The following LRP1B variants were observed in gnomAD, a reference collection of about 807,000 sequenced individuals.
The protein encoded by LRP1B is LDL receptor related protein 1B.
LRP1B carries 217 observed loss-of-function variants against 556.6 expected under a neutral mutation model. That is an observed-to-expected ratio of 0.39 (90% confidence interval 0.35 to 0.44). The LOEUF (loss-of-function observed/expected upper bound fraction) is 0.44, where lower values mean the gene tolerates loss of function less well. Among genes scored for constraint, LRP1B ranks in the 20% least tolerant of loss-of-function variants. The pLI is 1.00. For missense variants in LRP1B, 5,053 were observed against 5,620.8 expected, an observed-to-expected ratio of 0.90 and a Z score of 3.23; for synonymous variants, 2,047 against 1,865.8, an observed-to-expected ratio of 1.10 and a Z score of -2.50.
intron 6 of LRP1B, among the ~76,000 whole-genome samples, chr2:141,211,323 A>G (rs1330286637): frequency 2.0e-5 from 3 of 151,618 alleles, no homozygotes; most frequent in Admixed American, 6.6e-5. Context: ...AAAACAAAAC[A>G]AAAACTAAGC....
rs566647433 is a variant in LRP1B at position 140,898,693 on chromosome 2, G to A, written c.3766+4227C>T. The A allele has an allele frequency of 2.0e-3, 944 of 477,872 alleles. 19 individuals are homozygous for A. The highest frequency in any genetic ancestry group is 0.014 in the South Asian group (901 of 64,386). 29.6% of individuals were successfully genotyped at this position (477,872 alleles called of 1,614,324 possible). A position where few individuals can be genotyped will look rare whatever the true frequency, so the allele number is the denominator to read the frequency against. On this transcript the variant is annotated intron_variant, in intron 23 of 90. Transcript: ENST00000389484. Reference sequence around the variant, plus strand: ...CCTAAAAAAATTCTAGAGATGCTACGCCTAAATGGCAGTCACCTGAGAGAG... The same window carrying A: ...CCTAAAAAAATTCTAGAGATGCTACACCTAAATGGCAGTCACCTGAGAGAG...
At chr2:141,329,174 G>A (rs928019853) in intron 3 of LRP1B, among the ~76,000 whole-genome samples, 1 of 152,026 alleles carries the variant, frequency 6.6e-6, no homozygotes, top group Non-Finnish European at 1.5e-5. Context: ...GATCACCTGA[G>A]GTCAGGAGTT....
chr2:141,932,347 G>T (rs74685739), intron 1 of LRP1B, among the ~76,000 whole-genome samples: 2 of 151,964 alleles, frequency 1.3e-5, no homozygotes, highest in Admixed American at 6.6e-5. Flanking sequence ...AGAGTACACC[G>T]TTCATTACTT....
intron 41 of LRP1B, among the ~76,000 whole-genome samples, chr2:140,672,420 G>C (rs1685517979): frequency 7.0e-6 from 1 of 143,788 alleles, no homozygotes; most frequent in African/African-American, 2.6e-5. Flanking sequence ...GGAAGCAGAG[G>C]TTGCAGTGAG....
intron 16 of LRP1B, among the ~76,000 whole-genome samples, chr2:140,990,476 CAGAAA>C (rs1188441269): frequency 6.6e-6 from 1 of 151,524 alleles, no homozygotes; most frequent in Non-Finnish European, 1.5e-5. Flanking sequence ...AGGAGGAACA[CAGAAA>C]AGAAAATGAA....
intron 77 of LRP1B, among the ~76,000 whole-genome samples, chr2:140,343,441 A>G (rs2105100695): frequency 6.6e-6 from 1 of 151,768 alleles, no homozygotes; most frequent in Non-Finnish European, 1.5e-5. Flanking sequence ...ATACTTGAAG[A>G]TGACCGCTAA....
At chr2:141,753,754 G>A (rs1694220692) in intron 2 of LRP1B, among the ~76,000 whole-genome samples, 1 of 151,910 alleles carries the variant, frequency 6.6e-6, no homozygotes, top group Non-Finnish European at 1.5e-5. Context: ...CGATCTACTG[G>A]CTAAAGTTGC....
chr2:141,229,169 AT>A lies in LRP1B; in HGVS notation c.850+13del, dbSNP rs1683365465. 6.2e-7 allele frequency: 1 copy of A among 1,611,674 alleles called. No homozygotes were observed. The highest frequency in any genetic ancestry group is 1.7e-5 in the Admixed American group (1 of 59,774). ...AGTAAAGGGTGGCATATAATATTTA[AT>A]TGAAACACTTACTGTGGAAGGATTG... On this transcript the variant is annotated intron_variant, in intron 6 of 90. Transcript: ENST00000389484.
intron 3 of LRP1B, among the ~76,000 whole-genome samples, chr2:141,310,715 TG>T (rs1686781844): frequency 6.6e-6 from 1 of 152,152 alleles, no homozygotes; most frequent in Non-Finnish European, 1.5e-5. Context: ...CAATACACTT[TG>T]TTAAAGTGGC....
intron 3 of LRP1B, among the ~76,000 whole-genome samples, chr2:141,269,422 C>T (rs939539729): frequency 2.6e-5 from 4 of 152,028 alleles, no homozygotes; most frequent in Non-Finnish European, 4.4e-5. Context: ...ATCAGCTGAC[C>T]GTGCAAGCTA....
chr2:140,896,692 G>C (rs1021560546), intron 23 of LRP1B, among the ~76,000 whole-genome samples: 1 of 152,020 alleles, frequency 6.6e-6, no homozygotes, highest in Non-Finnish European at 1.5e-5. Context: ...ATGTTGACCA[G>C]GCTGTCTTGA....
At position 140,275,477 on chromosome 2, in the gene LRP1B, GCAGT is replaced by G. The variant is rs546285610; in HGVS notation, c.12968-883_12968-880del. Among the ~76,000 whole-genome samples the G allele has an allele frequency of 2.1e-3, 316 of 152,052 alleles. 1 individual carries two copies. The highest frequency in any genetic ancestry group is 5.9e-3 in the African/African-American group (246 of 41,530). On this transcript the variant is annotated intron_variant, in intron 84 of 90. Transcript: ENST00000389484. Reference sequence around the variant, plus strand: ...ATGACGGTCTCAAGTAGTCAAAGTGGCAGTCAGCCACATGTGGTGAGCAGAGGAC... The same window carrying G: ...ATGACGGTCTCAAGTAGTCAAAGTGGCAGCCACATGTGGTGAGCAGAGGAC...
chr2:141,605,766 G>T (rs577259977), intron 2 of LRP1B, among the ~76,000 whole-genome samples: 20 of 152,272 alleles, frequency 1.3e-4, no homozygotes, highest in African/African-American at 4.3e-4. Flanking sequence ...GTTAGAAGTG[G>T]TATTTTGTTT....
intron 3 of LRP1B, among the ~76,000 whole-genome samples, chr2:141,339,403 T>C (rs1348644822): frequency 6.6e-6 from 1 of 152,196 alleles, no homozygotes; most frequent in Non-Finnish European, 1.5e-5. Context: ...GATTAAGTCT[T>C]GAGACAATTT....
chr2:140,264,022 G>A (rs1682071492), intron 86 of LRP1B, among the ~76,000 whole-genome samples: 1 of 152,022 alleles, frequency 6.6e-6, no homozygotes, highest in Non-Finnish European at 1.5e-5. Flanking sequence ...TGGGGATTGA[G>A]GCATCAGCAC....
chr2:140,813,905 G>T, intron 31 of LRP1B, 99 bp from the exon 32 acceptor site: 1 of 836,068 alleles, frequency 1.2e-6, no homozygotes, highest in Non-Finnish European at 1.9e-6. Context: ...TAAGTTGAAA[G>T]TTCAGATTTT....
chr2:141,532,585 G>A (rs576100267), intron 2 of LRP1B, among the ~76,000 whole-genome samples: 240 of 151,818 alleles, frequency 1.6e-3, no homozygotes, highest in African/African-American at 5.7e-3. Flanking sequence ...TCATCCTCCG[G>A]TACAAGGATG....
chr2:141,677,458 C>T (rs1690927375), intron 2 of LRP1B, among the ~76,000 whole-genome samples: 1 of 152,072 alleles, frequency 6.6e-6, no homozygotes, highest in Non-Finnish European at 1.5e-5. Flanking sequence ...ATTATTTTTA[C>T]ATTAAAAACA....
rs571201748 is a variant in LRP1B at position 142,079,824 on chromosome 2, T to C, written c.82+50824A>G. 2.3e-3 allele frequency among the ~76,000 whole-genome samples: 356 copies of C among 152,308 alleles called. 6 individuals carry two copies. The highest frequency in any genetic ancestry group is 0.023 in the Admixed American group (349 of 15,284). On this transcript the variant is annotated intron_variant, in intron 1 of 90. Coordinates refer to ENST00000389484, the MANE Select transcript of LRP1B (RefSeq NM_018557.3). ...TGCGCCCAGCCTCTTTCTTAAAATA[T>C]ATGTTATAAGCAGATATCTTATGTT...
Sources: gnomAD v4.1 joint callset for allele counts (sites outside exome capture counted in the v4.1 genomes callset) on GRCh38, gnomAD v4.1.1 for gene constraint, MANE v1.5 for transcripts, NCBI Gene and HGNC (gene_info 2026-07-23, HGNC 2026-07-21) for gene names.